The following MRPL1 variants were observed in gnomAD, a reference collection of about 807,000 sequenced individuals.
MRPL1 encodes the protein large ribosomal subunit protein uL1m.
In MRPL1, 28 loss-of-function variants were observed where a neutral mutation model predicts 38.0. The observed-to-expected ratio is 0.74, with a 90% CI of 0.55 to 1.01. The LOEUF is 1.01. Ranked by LOEUF, MRPL1 falls within the 50% of genes least tolerant of loss-of-function variation. The pLI is 0.00. For synonymous variants in MRPL1, 123 were observed against 126.7 expected, an observed-to-expected ratio of 0.97 and a Z score of 0.20; for missense variants, 358 against 389.8, an observed-to-expected ratio of 0.92 and a Z score of 0.69.
intron 4 of MRPL1, among the ~76,000 whole-genome samples, chr4:77,886,092 T>C (rs1735669746): frequency 6.6e-6 from 1 of 152,214 alleles, no homozygotes; most frequent in Non-Finnish European, 1.5e-5. Context: ...ATAATGTGTT[T>C]ATGATTTTTT....
intron 5 of MRPL1, among the ~76,000 whole-genome samples, chr4:77,889,975 G>A (rs909031231): frequency 2.0e-5 from 3 of 152,178 alleles, no homozygotes; most frequent in Non-Finnish European, 4.4e-5. Context: ...CTCTGAAATT[G>A]AGGCAATAAT....
At chr4:77,894,405 C>T (rs557269673) in intron 6 of MRPL1, among the ~76,000 whole-genome samples, 155 bp downstream of exon 6, 5 of 151,946 alleles carry the variant, frequency 3.3e-5, no homozygotes, top group Admixed American at 6.6e-5. Context: ...GATTTTTTTC[C>T]CCCGCTTTGG....
intron 7 of MRPL1, among the ~76,000 whole-genome samples, chr4:77,945,710 C>T (rs991554046): frequency 4.0e-5 from 6 of 151,854 alleles, no homozygotes; most frequent in Admixed American, 3.3e-4. Flanking sequence ...TCGCTAGGAC[C>T]GTGATGCCCA....
intron 3 of MRPL1, 137 bp downstream of exon 3, chr4:77,883,637 G>A (rs1447355549): frequency 2.3e-6 from 2 of 851,998 alleles, no homozygotes; most frequent in Non-Finnish European, 1.7e-6. Flanking sequence ...GAGTGCGGTG[G>A]TATGATCTCA....
chr4:77,909,135 CT>C (rs1736228674), intron 6 of MRPL1, 130 bp from the exon 7 acceptor site: 1 of 668,160 alleles, frequency 1.5e-6, no homozygotes, highest in East Asian at 2.8e-5. Flanking sequence ...GGAAACAGAG[CT>C]CTTTGGAACT....
At position 77,952,728 on chromosome 4, in the gene MRPL1, T is replaced by C. The variant is rs531852571; in HGVS notation, c.*121T>C. ...TCATACTTGAAAGTGAACTTTAACA[T>C]TGAAAAATCGTACAGTCATTTCAAG... is the stretch of plus-strand genomic sequence containing the variant. On this transcript the variant is annotated 3_prime_UTR_variant, in exon 9 of 9. Coordinates refer to ENST00000315567, the MANE Select transcript of MRPL1 (RefSeq NM_020236.4). 91 of 656,690 alleles carry C rather than the reference T, an allele frequency of 1.4e-4. No individual in the cohort carries two copies. In the South Asian group the frequency reaches 1.5e-3, roughly 11 times the overall value. The allele number at this position is 656,690 out of a possible 1,614,324, so 40.7% of individuals were successfully genotyped here.
chr4:77,952,434 C>A, intron 8 of MRPL1, 55 bp from the exon 9 acceptor site: 1 of 1,203,218 alleles, frequency 8.3e-7, no homozygotes, highest in Non-Finnish European at 1.2e-6. Flanking sequence ...TTTATTTGCT[C>A]ATGAGGTGGT....
intron 7 of MRPL1, among the ~76,000 whole-genome samples, chr4:77,915,738 C>T (rs6854989): frequency 0.22 from 33,303 of 152,110 alleles, 4,404 homozygotes; most frequent in African/African-American, 0.36. Context: ...ATATTTCCTA[C>T]CATTTGTATC....
At chr4:77,878,871 C>A (rs2110232917) in intron 2 of MRPL1, among the ~76,000 whole-genome samples, 1 of 152,198 alleles carries the variant, frequency 6.6e-6, no homozygotes, top group South Asian at 2.1e-4. Flanking sequence ...GAGCGAGACT[C>A]CGTCTTAAAA....
At chr4:77,924,858 G>A (rs1736675426) in intron 7 of MRPL1, among the ~76,000 whole-genome samples, 1 of 151,924 alleles carries the variant, frequency 6.6e-6, no homozygotes, top group Non-Finnish European at 1.5e-5. Context: ...GTGAATTTTG[G>A]TAGTTATATA....
chr4:77,884,349 A>G (rs1735625599), intron 3 of MRPL1, among the ~76,000 whole-genome samples: 3 of 152,180 alleles, frequency 2.0e-5, no homozygotes, highest in South Asian at 2.1e-4. Context: ...TGATCCTTCA[A>G]TCAGTTTTAT....
At chr4:77,920,885 C>T (rs950898584) in intron 7 of MRPL1, among the ~76,000 whole-genome samples, 2 of 152,126 alleles carry the variant, frequency 1.3e-5, no homozygotes, top group African/African-American at 4.8e-5. Flanking sequence ...GTCTCAGCCT[C>T]CTGAGTAGGT....
At chr4:77,888,616 G>T (rs906914644) in intron 5 of MRPL1, among the ~76,000 whole-genome samples, 4 of 152,114 alleles carry the variant, frequency 2.6e-5, no homozygotes, top group African/African-American at 9.7e-5. Context: ...GAAGTAGGAA[G>T]AAGAGGCATG....
chr4:77,897,237 G>T (rs1019936183), intron 6 of MRPL1, among the ~76,000 whole-genome samples: 1 of 151,898 alleles, frequency 6.6e-6, no homozygotes, highest in East Asian at 1.9e-4. Context: ...CTAGTATTTT[G>T]TATTTTTAGT....
intron 7 of MRPL1, among the ~76,000 whole-genome samples, chr4:77,911,594 C>A (rs182276627): frequency 6.6e-6 from 1 of 152,038 alleles, no homozygotes; most frequent in Non-Finnish European, 1.5e-5. Flanking sequence ...CTCTGAGCCT[C>A]AATTTTTCCC....
intron 7 of MRPL1, among the ~76,000 whole-genome samples, chr4:77,940,893 C>G (rs1737109666): frequency 6.6e-6 from 1 of 152,040 alleles, no homozygotes; most frequent in Admixed American, 6.6e-5. Flanking sequence ...TGATATGAAC[C>G]CCAGGTCATA....
rs548549141 is a variant in MRPL1, at chr4:77,874,918, A to G, written c.143+3063A>G. Among the ~76,000 whole-genome samples, 7 of 151,212 alleles carry G rather than the reference A, an allele frequency of 4.6e-5. No individual in the cohort carries two copies. In the East Asian group the frequency reaches 1.4e-3, roughly 30 times the overall value. On this transcript the variant is annotated intron_variant, in intron 2 of 8. Transcript: ENST00000315567. The stretch of plus-strand genomic sequence containing the variant: ...TGCCTCAGCCTCCCGAGTAGCTGGG[A>G]TTACAGGCACACGCCACAACGCCCG...
chr4:77,949,941 G>T, intron 8 of MRPL1, 63 bp downstream of exon 8: 1 of 934,868 alleles, frequency 1.1e-6, no homozygotes, highest in Non-Finnish European at 1.6e-6. Context: ...TGTAAAATAT[G>T]AAGAAAAAAG....
At chr4:77,936,011 A>G (rs952121579) in intron 7 of MRPL1, among the ~76,000 whole-genome samples, 1 of 152,150 alleles carries the variant, frequency 6.6e-6, no homozygotes. Flanking sequence ...TAAATGCTAA[A>G]CTAAAACTAA....
Sources: allele counts gnomAD v4.1 joint callset (sites outside exome capture counted in the v4.1 genomes callset), GRCh38; gene constraint gnomAD v4.1.1; transcripts MANE v1.5; gene names NCBI Gene and HGNC (gene_info 2026-07-23, HGNC 2026-07-21).